AMPD1: variants seen among roughly 807,000 people sequenced by gnomAD.
The protein encoded by AMPD1 is AMP deaminase 1.
AMPD1 carries 74 observed loss-of-function variants against 82.9 expected under a neutral mutation model. The ratio of observed to expected loss-of-function variants is 0.89; its 90% confidence interval spans 0.74 to 1.08. The LOEUF is 1.08. Among genes scored for constraint, AMPD1 ranks in the 50% least tolerant of loss-of-function variants. The pLI is 0.00. For missense variants in AMPD1, 881 were observed against 924.5 expected (o/e 0.95, Z 0.61); for synonymous variants, 333 against 320.5 (o/e 1.04, Z -0.42).
chr1:114,675,000 A>G (rs1657939885), intron 12 of AMPD1, 128 bp from the exon 13 acceptor site: 1 of 1,221,900 alleles, frequency 8.2e-7, no homozygotes, highest in African/African-American at 1.5e-5. Flanking sequence ...AAACAGTCCC[A>G]AATCATAATC....
rs767553383 is a variant in AMPD1 at position 114,684,313 on chromosome 1, A to C, written c.433T>G (p.Cys145Gly). The C allele has an allele frequency of 1.9e-6, 3 of 1,614,124 alleles. No individual in the cohort carries two copies. Among genetic ancestry groups the C allele is most frequent in the South Asian group, 2.2e-5 (2 of 91,084 alleles). Residue 145 changes from cysteine (C) to glycine (G), a missense_variant, in exon 5 of 16, where the codon TGC (cysteine) becomes GGC (glycine). Cys to Gly is a radical substitution (Grantham distance 159). Around this residue, in one of 2 missense-constraint regions of AMPD1, gnomAD observed 783 missense variants for 786.4 expected, o/e 1.00. Coordinates refer to ENST00000520113, the MANE Select transcript of AMPD1 (RefSeq NM_000036.3). ...TTCTGCATGTATTTCTCACGTATGC[A>C]TAGTGCCCGATACAGACCTTTGCAA... ...IVCKGLYRAL[C>G]IREKYMQKSF...
intron 1 of AMPD1, among the ~76,000 whole-genome samples, chr1:114,694,851 A>G (rs1030460641): frequency 2.0e-5 from 3 of 152,224 alleles, no homozygotes; most frequent in Non-Finnish European, 4.4e-5. Flanking sequence ...CTCAAAAAAT[A>G]AATAAATAAG....
Position 114,686,728 on chromosome 1 carries a change from G to A in AMPD1, c.381+17C>T, listed in dbSNP as rs1462830629. ...GGCTTCCTGGTTGCTAAGTCTGAGT[G>A]GCAAGGACCAACTCACCCCAGAGGC... On this transcript the variant is annotated intron_variant, in intron 4 of 15. Coordinates refer to ENST00000520113, the MANE Select transcript of AMPD1 (RefSeq NM_000036.3). The A allele has an allele frequency of 5.0e-6, 8 of 1,613,556 alleles. No individual in the cohort carries two copies. In the Admixed American group the frequency reaches 1.2e-4, roughly 24 times the overall value.
In AMPD1 at chr1:114,678,142, A is replaced by G. The variant is rs1458033348; in HGVS notation, c.1093-101T>C. On this transcript the variant is annotated intron_variant, in intron 8 of 15. Coordinates refer to ENST00000520113, the MANE Select transcript of AMPD1 (RefSeq NM_000036.3). ...CAGAACTGGGGTCTGGTAGTGGGGG[A>G]GGGCATTGGGCTCCAAGAATGGAAT... 2.6e-6 allele frequency: 4 copies of G among 1,519,110 alleles called. No individual in the cohort carries two copies. In the African/African-American group the frequency reaches 5.5e-5, roughly 21 times the overall value. The allele number at this position is 1,519,110 out of a possible 1,614,324, so 94.1% of individuals were successfully genotyped here.
chr1:114,694,920 A>C (rs980743370), intron 1 of AMPD1, among the ~76,000 whole-genome samples: 1 of 152,206 alleles, frequency 6.6e-6, no homozygotes, highest in African/African-American at 2.4e-5. Flanking sequence ...AATGTTTATT[A>C]CTTTTATTTT....
rs1314213577 is a variant in AMPD1, at chr1:114,673,652, C to T, written c.2072G>A (p.Gly691Glu). The change falls in exon 15 of 16, where the codon GGA (glycine) becomes GAA (glutamate). Residue 691 changes from glycine (G) to glutamate (E), a missense_variant. Transcript: ENST00000520113. ...EVARNSVLQC[G>E]ISHEEKVKFL... ...AGACAGGTCTACCTCATGAGAAATTCCACACTGCAAGACACTGTTCCTTGC... is the reference window on the plus strand; with the variant it reads ...AGACAGGTCTACCTCATGAGAAATTTCACACTGCAAGACACTGTTCCTTGC... The T allele has an allele frequency of 6.2e-7, 1 of 1,613,794 alleles. No homozygotes were observed. The highest frequency in any genetic ancestry group is 8.5e-7 in the Non-Finnish European group (1 of 1,179,762).
At position 114,686,833 on chromosome 1, in the gene AMPD1, T is replaced by A. The variant is rs1423880592; in HGVS notation, c.293A>T (p.His98Leu). ...LSETSSTKLS[H>L]IDEYISSSPT... ...AGATGAGGAAATGTATTCATCAATGTGGGACAGTTTGGTGGAAGATGTTTC... is the reference window on the plus strand; with the variant it reads ...AGATGAGGAAATGTATTCATCAATGAGGGACAGTTTGGTGGAAGATGTTTC... The change falls in exon 4 of 16, where the codon CAC becomes CTC. Residue 98 changes from histidine (H) to leucine (L), a missense_variant. Coordinates refer to ENST00000520113, the MANE Select transcript of AMPD1 (RefSeq NM_000036.3). The A allele has an allele frequency of 1.2e-6, 2 of 1,614,152 alleles. No homozygotes were observed. The highest frequency in any genetic ancestry group is 1.7e-6 in the Non-Finnish European group (2 of 1,179,986).
chr1:114,695,377 A>T (rs1467627802), intron 1 of AMPD1, 73 bp downstream of exon 1: 19 of 1,575,676 alleles, frequency 1.2e-5, no homozygotes, highest in Non-Finnish European at 1.6e-5. Flanking sequence ...TATGGTAGCT[A>T]AAGGAACAGT....
At chr1:114,683,614 G>A (rs1434238621) in intron 5 of AMPD1, among the ~76,000 whole-genome samples, 1 of 152,104 alleles carries the variant, frequency 6.6e-6, no homozygotes, top group East Asian at 1.9e-4. Context: ...ACACACACCA[G>A]CAATCCCAGC....
At position 114,675,983 on chromosome 1, in the gene AMPD1, T is replaced by C; in HGVS notation, c.1409A>G (p.Asn470Ser). The C allele has an allele frequency of 6.2e-7, 1 of 1,614,074 alleles. No individual in the cohort carries two copies. Among genetic ancestry groups the C allele is most frequent in the South Asian group, 1.1e-5 (1 of 91,082 alleles). Residue 470 changes from asparagine (N) to serine (S), a missense_variant, in exon 11 of 16, where the codon AAT becomes AGT. Transcript: ENST00000520113. The part of the protein sequence containing the change: ...PRIYDVFRSK[N>S]FLPHFGKMLE... The stretch of plus-strand genomic sequence containing the variant: ...CATTTTTCCAAAATGTGGAAGGAAA[T>C]TCTTGGAACGGAACACATCACTAGA...
chr1:114,688,507 C>A (rs1470487599), intron 3 of AMPD1, 54 bp downstream of exon 3: 4 of 1,574,248 alleles, frequency 2.5e-6, no homozygotes, highest in African/African-American at 2.7e-5. Flanking sequence ...TCTTCCCTGG[C>A]AGATACCCCT....
At chr1:114,686,523 T>C (rs1356096822) in intron 4 of AMPD1, among the ~76,000 whole-genome samples, 1 of 152,186 alleles carries the variant, frequency 6.6e-6, no homozygotes, top group East Asian at 1.9e-4. Flanking sequence ...ATATTCTCCA[T>C]GTGCAAGCAA....
intron 3 of AMPD1, 134 bp from the exon 4 acceptor site, chr1:114,687,044 A>G (rs1205134233): frequency 7.5e-6 from 7 of 928,002 alleles, no homozygotes; most frequent in Non-Finnish European, 1.2e-5. Flanking sequence ...GGTATCAGAA[A>G]CAGGATCCAA....
chr1:114,692,755 T>G (rs989767894), intron 2 of AMPD1, among the ~76,000 whole-genome samples: 1 of 63,278 alleles, frequency 1.6e-5, no homozygotes, highest in African/African-American at 6.5e-5. Context: ...GAACAACAAT[T>G]TTTTTTTTTT....
chr1:114,680,185 G>A (rs1658113508), intron 6 of AMPD1, 74 bp downstream of exon 6: 1 of 1,276,170 alleles, frequency 7.8e-7, no homozygotes, highest in Middle Eastern at 2.6e-4. Flanking sequence ...CTCACTATCA[G>A]TAGAAGTAGT....
intron 4 of AMPD1, among the ~76,000 whole-genome samples, chr1:114,686,073 G>A (rs1023731052): frequency 6.6e-6 from 1 of 152,192 alleles, no homozygotes; most frequent in Non-Finnish European, 1.5e-5. Flanking sequence ...TGTTCTGGAT[G>A]AGACAAGCAG....
intron 7 of AMPD1, among the ~76,000 whole-genome samples, chr1:114,678,957 C>A (rs1200693795): frequency 4.6e-5 from 7 of 152,202 alleles, no homozygotes; most frequent in African/African-American, 1.7e-4. Flanking sequence ...ATTTTATACA[C>A]TGAAATTTCA....
At chr1:114,674,684 G>C in intron 13 of AMPD1, 68 bp downstream of exon 13, 1 of 1,543,628 alleles carries the variant, frequency 6.5e-7, no homozygotes, top group South Asian at 1.1e-5. Flanking sequence ...GTGACAGTAT[G>C]GTTGGTTAAG....
intron 7 of AMPD1, 93 bp from the exon 8 acceptor site, chr1:114,678,620 T>C: frequency 8.7e-7 from 1 of 1,148,644 alleles, no homozygotes; most frequent in South Asian, 1.3e-5. Context: ...CCCACTGCGT[T>C]GGGACAAAGT....
Sources: gnomAD v4.1 joint callset for allele counts (sites outside exome capture counted in the v4.1 genomes callset) on GRCh38, gnomAD v4.1.1 for gene constraint, gnomAD v4.1.1 regional missense constraint, MANE v1.5 for transcripts, NCBI Gene and HGNC (gene_info 2026-07-23, HGNC 2026-07-21) for gene names.